The following GLS variants were observed in gnomAD, a reference collection of about 807,000 sequenced individuals.
GLS encodes the protein glutaminase, also known as glutaminase kidney isoform, mitochondrial.
In GLS, 36 loss-of-function variants were observed where a neutral mutation model predicts 86.7. That is an observed-to-expected ratio of 0.42 (90% CI 0.32 to 0.55). GLS has a LOEUF of 0.55. Ranked by LOEUF, GLS falls within the 20% of genes least tolerant of loss-of-function variation. The pLI is 0.17. For missense variants in GLS, 528 were observed against 833.4 expected (o/e 0.63, Z 4.51); for synonymous variants, 317 against 305.9 (o/e 1.04, Z -0.38).
chr2:190,907,243 G>T (rs1192686456), intron 6 of GLS, among the ~76,000 whole-genome samples: 1 of 135,144 alleles, frequency 7.4e-6, no homozygotes, highest in Non-Finnish European at 1.6e-5. Flanking sequence ...AATAACAGTA[G>T]TTTTTTTTTT....
At chr2:190,922,100 CT>C (rs1296465021) in intron 9 of GLS, among the ~76,000 whole-genome samples, 1 of 152,026 alleles carries the variant, frequency 6.6e-6, no homozygotes, top group Admixed American at 6.6e-5. Context: ...ATATTTTAAG[CT>C]TGTGTACCAT....
Position 190,962,729 on chromosome 2 carries a change from AT to A in GLS, c.1854-98del, listed in dbSNP as rs1691032616. The A allele has an allele frequency of 1.3e-5, 8 of 636,074 alleles. No homozygotes were observed. The Admixed American group carries it at 2.6e-4, about 21-fold the overall frequency. 39.4% of individuals were successfully genotyped at this position (636,074 alleles called of 1,614,324 possible). A position where few individuals can be genotyped will look rare whatever the true frequency, so the allele number is the denominator to read the frequency against. The stretch of plus-strand genomic sequence containing the variant: ...TTTGTAAAATTGCTAAAATAGCTAA[AT>A]TTGGCCATTTAACCTGCATTTAAAA... On this transcript the variant is annotated intron_variant, in intron 17 of 17. Coordinates refer to ENST00000320717, the MANE Select transcript of GLS (RefSeq NM_014905.5). The surrounding 1 kb of genome is among the most constrained non-coding windows in gnomAD (Gnocchi z 4.2).
intron 1 of GLS, among the ~76,000 whole-genome samples, chr2:190,888,105 A>G (rs1327332439): frequency 6.6e-6 from 1 of 152,196 alleles, no homozygotes; most frequent in East Asian, 1.9e-4. Flanking sequence ...AACAGTAAAA[A>G]ACATTCCATA....
intron 14 of GLS, among the ~76,000 whole-genome samples, chr2:190,950,527 G>T (rs1690693004): frequency 6.6e-6 from 1 of 152,160 alleles, no homozygotes; most frequent in African/African-American, 2.4e-5. Flanking sequence ...TACCCCCCAT[G>T]GTCTGTATGG....
At position 190,947,080 on chromosome 2, in the gene GLS, TAC is replaced by T. The variant is rs1352684200; in HGVS notation, c.1651-6483_1651-6482del. 1.3e-5 allele frequency among the ~76,000 whole-genome samples: 2 copies of T among 152,208 alleles called. No homozygotes were observed. The highest frequency in any genetic ancestry group is 6.5e-5 in the Admixed American group (1 of 15,274). ...GTTTTAGGGTCATCCACTATATAAA[TAC>T]AGAGTAATGTGAGTATATAATTCTA... On this transcript the variant is annotated intron_variant, in intron 14 of 17. Coordinates refer to ENST00000320717, the MANE Select transcript of GLS (RefSeq NM_014905.5). The surrounding 1 kb of genome is among the most constrained non-coding windows in gnomAD (Gnocchi z 5.0).
chr2:190,900,735 A>T, intron 4 of GLS, 42 bp downstream of exon 4: 1 of 1,532,690 alleles, frequency 6.5e-7, no homozygotes, highest in South Asian at 1.2e-5. Flanking sequence ...CGAATCACTT[A>T]ATAAATTCAG....
chr2:190,942,067 CTTTTTTTTTTTTTTTT>C (rs3036653), intron 14 of GLS, among the ~76,000 whole-genome samples: 13 of 38,056 alleles, frequency 3.4e-4, no homozygotes, highest in Non-Finnish European at 4.7e-4. Context: ...ACTTTGAAGA[CTTTTTTTTTTTTTTTT>C]TTTTTTTTTT....
At chr2:190,958,320 CTCT>C (rs1203009710) in intron 17 of GLS, among the ~76,000 whole-genome samples, 40 of 152,030 alleles carry the variant, frequency 2.6e-4, no homozygotes, top group South Asian at 1.2e-3. Context: ...TTTGATTCTT[CTCT>C]TCTTATTAGT....
chr2:190,887,095 C>T (rs1688408871), intron 1 of GLS, among the ~76,000 whole-genome samples: 2 of 152,122 alleles, frequency 1.3e-5, no homozygotes, highest in Non-Finnish European at 2.9e-5. Context: ...AGTTGCCTGT[C>T]TGTGCCTTTT....
In GLS at chr2:190,902,083, G is replaced by A. The variant is rs189809424; in HGVS notation, c.815+57G>A. On this transcript the variant is annotated intron_variant, in intron 5 of 17. Transcript: ENST00000320717. Reference sequence around the variant, plus strand: ...TCTAAGCCTTAACTTTTGTATAATGGTGAGAATGACATGGAGAAGATCATC... The same window carrying A: ...TCTAAGCCTTAACTTTTGTATAATGATGAGAATGACATGGAGAAGATCATC... 75 of 944,182 alleles carry A rather than the reference G, an allele frequency of 7.9e-5. No homozygotes were observed. In the East Asian group the frequency reaches 1.1e-3, roughly 14 times the overall value. The allele number at this position is 944,182 out of a possible 1,614,324, so 58.5% of individuals were successfully genotyped here.
Position 190,923,969 on chromosome 2 carries a change from TTA to T in GLS, c.1184_1185del (p.Leu395Ter). ...GDRNFAIGYYLKEKKCFPEGT... is the reference protein window; with the variant it reads ...GDRNFAIGYYXKEKKCFPEGT... ...TCGAAATTTTGCAATAGGATATTACTTAAAAGAAAAGAAGGTTTTTAAATTTT... is the reference window on the plus strand; with the variant it reads ...TCGAAATTTTGCAATAGGATATTACTAAAGAAAAGAAGGTTTTTAAATTTT... On this transcript the variant is annotated frameshift_variant, in exon 10 of 18. Coordinates refer to ENST00000320717, the MANE Select transcript of GLS (RefSeq NM_014905.5). LOFTEE classifies it high-confidence loss of function. 6.7e-7 allele frequency: 1 copy of T among 1,487,184 alleles called. No homozygotes were observed. Among genetic ancestry groups the T allele is most frequent in the Non-Finnish European group, 9.3e-7 (1 of 1,077,748 alleles). The allele number at this position is 1,487,184 out of a possible 1,614,324, so 92.1% of individuals were successfully genotyped here.
Position 190,953,564 on chromosome 2 carries a change from G to A in GLS, c.1651-1G>A, listed in dbSNP as rs1404086345. On this transcript the variant is annotated splice_acceptor_variant, in intron 14 of 17. Coordinates refer to ENST00000320717, the MANE Select transcript of GLS (RefSeq NM_014905.5). LOFTEE classifies it high-confidence loss of function. The surrounding 1 kb of genome is among the most constrained non-coding windows in gnomAD (Gnocchi z 4.0). The stretch of plus-strand genomic sequence containing the variant: ...ATGCCTAAACTTTCTTTTCTTCACA[G>A]GTAAAGTCAGTGATAAATCTTTTGT... The A allele has an allele frequency of 2.5e-6, 4 of 1,606,010 alleles. No individual in the cohort carries two copies. The highest frequency in any genetic ancestry group is 3.4e-6 in the Non-Finnish European group (4 of 1,172,782).
intron 14 of GLS, among the ~76,000 whole-genome samples, chr2:190,946,084 AT>A (rs539766733): frequency 3.6e-4 from 55 of 151,764 alleles, no homozygotes; most frequent in African/African-American, 5.6e-4. Context: ...AAGTAGTATA[AT>A]TTTTTTTTAC....
rs567292796 is a variant in GLS, at chr2:190,923,941, A to G, written c.1155A>G (p.Gly385=). Residue 385 remains glycine (G), a synonymous_variant, in exon 10 of 18, where the codon GGA becomes GGG. Transcript: ENST00000320717. ...NATFQSERES[G]DRNFAIGYYL... is the part of the protein sequence containing the mutation. ...GGTTTCAGTCTGAAAGAGAAAGTGGAGATCGAAATTTTGCAATAGGATATT... is the reference window on the plus strand; with the variant it reads ...GGTTTCAGTCTGAAAGAGAAAGTGGGGATCGAAATTTTGCAATAGGATATT... 2 of 1,571,970 alleles carry G rather than the reference A, an allele frequency of 1.3e-6. No individual in the cohort carries two copies. The highest frequency in any genetic ancestry group is 1.4e-5 in the African/African-American group (1 of 73,714).
chr2:190,894,808 A>C (rs1688673117), intron 1 of GLS, among the ~76,000 whole-genome samples: 1 of 152,184 alleles, frequency 6.6e-6, no homozygotes, highest in African/African-American at 2.4e-5. Flanking sequence ...TCTTATCGGA[A>C]CGTTTGCTGA....
In GLS at chr2:190,881,350, A is replaced by C. The variant is rs143584207; in HGVS notation, c.266A>C (p.His89Pro). Residue 89 changes from histidine to proline, a missense_variant, in exon 1 of 18, where the codon CAT (histidine) becomes CCT (proline). Transcript: ENST00000320717. ...CAGGAGCTGGGCAAGGGGAGCACGC[A>C]TCCGCAGCCCGGGGTGTCGCCACCC... ...ILQELGKGST[H>P]PQPGVSPPAA... 2,563 of 1,537,400 alleles carry C rather than the reference A, an allele frequency of 1.7e-3. 72 individuals are homozygous for C. The East Asian group carries it at 0.054, about 32-fold the overall frequency.
Position 190,943,976 on chromosome 2 carries a change from C to A in GLS, c.1651-9589C>A, listed in dbSNP as rs1690515247. On this transcript the variant is annotated intron_variant, in intron 14 of 17. Transcript: ENST00000320717. The surrounding 1 kb of genome is among the most constrained non-coding windows in gnomAD (Gnocchi z 4.5). ...CTATAGAAAACTCAAGTCCATGTGCCTGGCTTTGTTATAGTAGCAGGATTT... is the reference window on the plus strand; with the variant it reads ...CTATAGAAAACTCAAGTCCATGTGCATGGCTTTGTTATAGTAGCAGGATTT... Among the ~76,000 whole-genome samples, 1 of 152,092 alleles carries A rather than the reference C, an allele frequency of 6.6e-6. No individual in the cohort carries two copies. Among genetic ancestry groups the A allele is most frequent in the African/African-American group, 2.4e-5 (1 of 41,416 alleles).
rs1393641150 is a variant in GLS, at chr2:190,954,066, AG to A, written c.1712+442del. 6.7e-6 allele frequency among the ~76,000 whole-genome samples: 1 copy of A among 149,870 alleles called. No individual in the cohort carries two copies. Among genetic ancestry groups the A allele is most frequent in the East Asian group, 2.0e-4 (1 of 5,118 alleles). On this transcript the variant is annotated intron_variant, in intron 15 of 17. Transcript: ENST00000320717. This position sits in a 1 kb window ranked among gnomAD's most constrained non-coding sequence, Gnocchi z 4.0. ...AAGGCCATATACTGCTGTATACCTA[AG>A]GTCTTTTGTGTAGAGTTGTAACTTA...
At chr2:190,881,699 CGGGGGTCGCCCTGGT>C in intron 1 of GLS, 1 of 464,016 alleles carries the variant, frequency 2.2e-6, no homozygotes, top group South Asian at 2.9e-5. Flanking sequence ...CCGCCCCCGG[CGGGGGTCGCCCTGGT>C]GGGGCCGCGG....
Sources: allele counts gnomAD v4.1 joint callset (sites outside exome capture counted in the v4.1 genomes callset), GRCh38; gene constraint gnomAD v4.1.1; non-coding constraint Gnocchi (gnomAD v3.1); transcripts MANE v1.5; gene names NCBI Gene and HGNC (gene_info 2026-07-23, HGNC 2026-07-21).